Variants in DLGAP1 observed in about 807,000 individuals in gnomAD.
DLGAP1 encodes disks large-associated protein 1.
In DLGAP1, 11 loss-of-function variants were observed where a neutral mutation model predicts 90.8. The observed-to-expected ratio is 0.12, with a 90% CI of 0.08 to 0.20. The LOEUF (loss-of-function observed/expected upper bound fraction) is 0.20, where lower values mean the gene tolerates loss of function less well. Among genes scored for constraint, DLGAP1 ranks in the 10% least tolerant of loss-of-function variants. The pLI is 1.00. For synonymous variants in DLGAP1, 558 were observed against 540.7 expected (o/e 1.03, Z -0.44); for missense variants, 1,050 against 1,333.8 (o/e 0.79, Z 3.31).
At chr18:4,399,797 TA>T (rs771909713) in intron 1 of DLGAP1, among the ~76,000 whole-genome samples, 4 of 152,150 alleles carry the variant, frequency 2.6e-5, no homozygotes, top group Non-Finnish European at 5.9e-5. Context: ...CCTCACTTCA[TA>T]GGGGGCTAAA....
At chr18:3,694,217 G>C (rs533669012) in intron 7 of DLGAP1, among the ~76,000 whole-genome samples, 1 of 152,066 alleles carries the variant, frequency 6.6e-6, no homozygotes, top group Non-Finnish European at 1.5e-5. Flanking sequence ...GGACACGAAC[G>C]CATCCATTTT....
chr18:4,091,739 T>C (rs867852722), intron 2 of DLGAP1, among the ~76,000 whole-genome samples: 4 of 152,254 alleles, frequency 2.6e-5, no homozygotes, highest in African/African-American at 4.8e-5. Flanking sequence ...TCAACATCTC[T>C]CTGTGAAATT....
intron 9 of DLGAP1, among the ~76,000 whole-genome samples, chr18:3,566,079 G>A (rs2054412246): frequency 6.6e-6 from 1 of 151,266 alleles, no homozygotes; most frequent in Non-Finnish European, 1.5e-5. Context: ...CTGTATAATA[G>A]TTTACCTTGG....
At chr18:4,349,839 G>C (rs375404542) in intron 1 of DLGAP1, among the ~76,000 whole-genome samples, 34 of 152,224 alleles carry the variant, frequency 2.2e-4, no homozygotes, top group African/African-American at 8.2e-4. Context: ...CTTTCTATTT[G>C]TGAGGCTTAC....
intron 7 of DLGAP1, among the ~76,000 whole-genome samples, chr18:3,621,887 G>A (rs1201419060): frequency 6.6e-6 from 1 of 152,150 alleles, no homozygotes; most frequent in African/African-American, 2.4e-5. Flanking sequence ...GATTGCTTGA[G>A]CTCAGGAGGT....
intron 2 of DLGAP1, among the ~76,000 whole-genome samples, chr18:4,118,938 C>A (rs1223318242): frequency 6.6e-6 from 1 of 152,134 alleles, no homozygotes; most frequent in African/African-American, 2.4e-5. Context: ...GGACTCTTCA[C>A]TCTTCTCTGG....
At chr18:3,787,833 A>G (rs1438953546) in intron 5 of DLGAP1, among the ~76,000 whole-genome samples, 3 of 152,148 alleles carry the variant, frequency 2.0e-5, no homozygotes, top group Non-Finnish European at 4.4e-5. Flanking sequence ...CCAAGCTCTT[A>G]TCCTCTGTCT....
At chr18:4,434,593 A>G (rs1476607249) in intron 1 of DLGAP1, among the ~76,000 whole-genome samples, 1 of 151,914 alleles carries the variant, frequency 6.6e-6, no homozygotes, top group East Asian at 1.9e-4. Context: ...CCAACTCTCA[A>G]CTCCTCTGGA....
intron 1 of DLGAP1, among the ~76,000 whole-genome samples, chr18:4,291,655 G>C (rs2079852637): frequency 6.6e-6 from 1 of 151,982 alleles, no homozygotes; most frequent in South Asian, 2.1e-4. Flanking sequence ...TACAGTTGTA[G>C]CTACCATGAG....
At chr18:3,684,571 C>T (rs1359012001) in intron 7 of DLGAP1, among the ~76,000 whole-genome samples, 3 of 152,062 alleles carry the variant, frequency 2.0e-5, no homozygotes, top group African/African-American at 7.2e-5. Flanking sequence ...GAATCATTCA[C>T]AACAGGAAAA....
At chr18:4,451,961 T>C (rs1460466670) in intron 1 of DLGAP1, among the ~76,000 whole-genome samples, 1 of 152,178 alleles carries the variant, frequency 6.6e-6, no homozygotes, top group Non-Finnish European at 1.5e-5. Flanking sequence ...TTTTTAGCCT[T>C]CTTATTTCAA....
chr18:4,051,467 A>G (rs1347348284), intron 2 of DLGAP1, among the ~76,000 whole-genome samples: 1 of 152,228 alleles, frequency 6.6e-6, no homozygotes, highest in Non-Finnish European at 1.5e-5. Flanking sequence ...TTATAAAACC[A>G]TAAGATCTTG....
intron 7 of DLGAP1, chr18:3,721,463 A>T (rs190189465): frequency 6.6e-6 from 1 of 152,200 alleles, no homozygotes; most frequent in South Asian, 2.1e-4. Flanking sequence ...TTAAACCCAG[A>T]GAGTATTTTC....
intron 3 of DLGAP1, among the ~76,000 whole-genome samples, chr18:3,931,731 G>T (rs1434238494): frequency 1.3e-5 from 2 of 152,088 alleles, no homozygotes; most frequent in Non-Finnish European, 2.9e-5. Flanking sequence ...TGGCCCTTTA[G>T]CGCCACCTTT....
chr18:4,385,348 G>A (rs1226471979), intron 1 of DLGAP1, among the ~76,000 whole-genome samples: 2 of 152,132 alleles, frequency 1.3e-5, no homozygotes, highest in Non-Finnish European at 2.9e-5. Context: ...CAACCTGTAT[G>A]TTCAGGAAAA....
intron 5 of DLGAP1, among the ~76,000 whole-genome samples, chr18:3,809,670 C>T (rs1234010891): frequency 1.3e-5 from 2 of 152,080 alleles, no homozygotes; most frequent in Non-Finnish European, 2.9e-5. Context: ...TTTCTTAGTG[C>T]TTGGATAAAG....
At chr18:4,445,727 C>G (rs1369931343) in intron 1 of DLGAP1, among the ~76,000 whole-genome samples, 1 of 151,794 alleles carries the variant, frequency 6.6e-6, no homozygotes, top group African/African-American at 2.4e-5. Flanking sequence ...CTTAAAATCT[C>G]AGAATATTCA....
intron 7 of DLGAP1, among the ~76,000 whole-genome samples, chr18:3,647,468 T>C (rs1235581811): frequency 6.8e-6 from 1 of 148,028 alleles, no homozygotes. Flanking sequence ...TTATTTAAGC[T>C]CCTTTTTTTT....
chr18:4,204,461 C>A (rs2077676260), intron 1 of DLGAP1, among the ~76,000 whole-genome samples: 1 of 151,764 alleles, frequency 6.6e-6, no homozygotes, highest in Non-Finnish European at 1.5e-5. Flanking sequence ...ATAAAACATT[C>A]ATAAGGATGG....
Sources: gnomAD v4.1 joint callset for allele counts (sites outside exome capture counted in the v4.1 genomes callset) on GRCh38, gnomAD v4.1.1 for gene constraint, MANE v1.5 for transcripts, NCBI Gene and HGNC (gene_info 2026-07-23, HGNC 2026-07-21) for gene names.